The following UNK variants were observed in gnomAD, a reference collection of about 807,000 sequenced individuals.
UNK encodes the protein RING finger protein unkempt homolog.
UNK carries 32 observed loss-of-function variants against 97.6 expected under a neutral mutation model. That is an observed-to-expected ratio of 0.33 (90% CI 0.25 to 0.44). The LOEUF (loss-of-function observed/expected upper bound fraction) is 0.44, where lower values mean the gene tolerates loss of function less well. Ranked by LOEUF, UNK falls within the 20% of genes least tolerant of loss-of-function variation. The pLI, the probability that UNK is intolerant of heterozygous loss-of-function variation, is 1.00. For synonymous variants in UNK, 441 were observed against 461.2 expected (o/e 0.96, Z 0.56); for missense variants, 771 against 1,098.4 (o/e 0.70, Z 4.21).
At chr17:75,799,776 AC>A (rs1372836277) in intron 1 of UNK, among the ~76,000 whole-genome samples, 1 of 152,052 alleles carries the variant, frequency 6.6e-6, no homozygotes, top group East Asian at 1.9e-4. Context: ...GGTGATCTAG[AC>A]CCAGGGGACA....
intron 2 of UNK, among the ~76,000 whole-genome samples, chr17:75,810,298 A>G (rs1294574866): frequency 6.6e-6 from 1 of 152,196 alleles, no homozygotes; most frequent in Non-Finnish European, 1.5e-5. Context: ...GGCTGTTTAG[A>G]GAGAGCGCCT....
chr17:75,805,810 ATG>A (rs61000364), intron 1 of UNK, among the ~76,000 whole-genome samples: 3,734 of 145,222 alleles, frequency 0.026, 70 homozygotes, highest in Middle Eastern at 0.035. Context: ...AAAAAGAAAA[ATG>A]TGTGTGTGTG....
chr17:75,820,411 G>A (rs997317297), intron 13 of UNK, among the ~76,000 whole-genome samples: 3 of 152,232 alleles, frequency 2.0e-5, no homozygotes, highest in Non-Finnish European at 4.4e-5. Context: ...GTGAGAGCAG[G>A]GGTCTCAGTT....
At chr17:75,800,491 C>G (rs2061846154) in intron 1 of UNK, among the ~76,000 whole-genome samples, 2 of 151,800 alleles carry the variant, frequency 1.3e-5, no homozygotes, top group Non-Finnish European at 2.9e-5. Context: ...GTAATCCCAG[C>G]ACTTTGGGAG....
intron 13 of UNK, 98 bp downstream of exon 13, chr17:75,820,206 T>G (rs2062054608): frequency 5.2e-6 from 7 of 1,344,484 alleles, no homozygotes; most frequent in Non-Finnish European, 5.1e-6. Context: ...TCAGCTAGGC[T>G]GGGGGTTAGG....
intron 5 of UNK, 146 bp downstream of exon 5, chr17:75,813,359 A>G (rs551243938): frequency 3.4e-6 from 4 of 1,177,544 alleles, no homozygotes; most frequent in South Asian, 1.6e-5. Flanking sequence ...AGGGGAGGGC[A>G]TAGTGAGGAT....
chr17:75,796,933 T>C (rs1011383923), intron 1 of UNK, among the ~76,000 whole-genome samples: 2 of 152,232 alleles, frequency 1.3e-5, no homozygotes, highest in Non-Finnish European at 2.9e-5. Context: ...CCGTGAATTA[T>C]GATCTCAGTG....
chr17:75,812,165 G>A lies in UNK; in HGVS notation c.368G>A (p.Arg123His), dbSNP rs1364024352. 6.2e-7 allele frequency: 1 copy of A among 1,614,002 alleles called. No homozygotes were observed. Among genetic ancestry groups the A allele is most frequent in the East Asian group, 2.2e-5 (1 of 44,876 alleles). ...TGDTERRYHL[R>H]YYKTGICIHE... Reference sequence around the variant, plus strand: ...GACACTGAGCGCAGGTACCACCTTCGTTACTACAAAACTGGAATCTGCATC... The same window carrying A: ...GACACTGAGCGCAGGTACCACCTTCATTACTACAAAACTGGAATCTGCATC... Residue 123 changes from arginine (R) to histidine (H), a missense_variant, in exon 3 of 16, where the codon CGT (arginine) becomes CAT (histidine). Physicochemically the swap from Arg to His is conservative, Grantham distance 29. Transcript: ENST00000589666.
chr17:75,797,225 A>G (rs1317735542), intron 1 of UNK, among the ~76,000 whole-genome samples: 1 of 152,054 alleles, frequency 6.6e-6, no homozygotes, highest in African/African-American at 2.4e-5. Flanking sequence ...GCTTGTATAT[A>G]TTTGTTTTTT....
intron 2 of UNK, 142 bp downstream of exon 2, chr17:75,810,111 C>A: frequency 1.0e-6 from 1 of 994,104 alleles, no homozygotes; most frequent in South Asian, 1.6e-5. Flanking sequence ...GACTCAGACC[C>A]CACCATCCCT....
chr17:75,808,332 T>TA (rs998903701), intron 1 of UNK, among the ~76,000 whole-genome samples: 1 of 152,158 alleles, frequency 6.6e-6, no homozygotes, highest in African/African-American at 2.4e-5. Flanking sequence ...TAGGGAGGCT[T>TA]CCAGATTTCT....
intron 7 of UNK, among the ~76,000 whole-genome samples, 161 bp downstream of exon 7, chr17:75,815,414 A>G (rs1461157848): frequency 6.6e-6 from 1 of 152,124 alleles, no homozygotes; most frequent in Non-Finnish European, 1.5e-5. Context: ...CCATTCCCCC[A>G]CCTTTCTGGA....
chr17:75,811,721 G>C (rs1375285891), intron 2 of UNK, among the ~76,000 whole-genome samples: 1 of 152,214 alleles, frequency 6.6e-6, no homozygotes, highest in East Asian at 1.9e-4. Context: ...AGGCGCAGTG[G>C]CTCATGCTTG....
chr17:75,814,847 C>G (rs982608704), intron 6 of UNK, among the ~76,000 whole-genome samples: 2 of 152,214 alleles, frequency 1.3e-5, no homozygotes. Context: ...GATTGTGGCT[C>G]CCTTAATGCC....
At chr17:75,789,454 A>G (rs2143667568) in intron 1 of UNK, among the ~76,000 whole-genome samples, 1 of 151,932 alleles carries the variant, frequency 6.6e-6, no homozygotes, top group East Asian at 1.9e-4. Context: ...CTTCTGCCTC[A>G]GCCTCCCCAG....
At chr17:75,791,394 A>T (rs2061762676) in intron 1 of UNK, among the ~76,000 whole-genome samples, 1 of 152,246 alleles carries the variant, frequency 6.6e-6, no homozygotes, top group Admixed American at 6.5e-5. Context: ...AATCCTGGAC[A>T]TGAACATGTA....
chr17:75,823,139 C>T (rs1020687962), intron 14 of UNK, 126 bp from the exon 15 acceptor site: 4 of 1,436,594 alleles, frequency 2.8e-6, no homozygotes, highest in Non-Finnish European at 3.7e-6. Flanking sequence ...TCCTTGCCCT[C>T]CTCCCAGAGA....
chr17:75,820,789 C>G (rs1243217791), intron 13 of UNK, among the ~76,000 whole-genome samples: 1 of 152,152 alleles, frequency 6.6e-6, no homozygotes, highest in Admixed American at 6.5e-5. Context: ...GGCACCACCG[C>G]TCTCACTCTC....
intron 1 of UNK, among the ~76,000 whole-genome samples, chr17:75,808,352 C>G (rs1003086400): frequency 6.6e-6 from 1 of 152,180 alleles, no homozygotes; most frequent in African/African-American, 2.4e-5. Context: ...TGCCTGGGGT[C>G]TTCAGGATGT....
Sources: allele counts gnomAD v4.1 joint callset (sites outside exome capture counted in the v4.1 genomes callset), GRCh38; gene constraint gnomAD v4.1.1; transcripts MANE v1.5; gene names NCBI Gene and HGNC (gene_info 2026-07-23, HGNC 2026-07-21).